Variants in DLGAP4 observed in about 807,000 individuals in gnomAD.
The protein encoded by DLGAP4 is DLG associated protein 4, also known as disks large-associated protein 4.
A neutral mutation model predicts 86.9 loss-of-function variants in DLGAP4; 18 were observed. The ratio of observed to expected loss-of-function variants is 0.21; its 90% CI spans 0.14 to 0.31. The LOEUF (loss-of-function observed/expected upper bound fraction) is 0.31, where lower values mean the gene tolerates loss of function less well. DLGAP4 is among the 10% of genes least tolerant of loss of function. DLGAP4 has a pLI of 1.00. For synonymous variants in DLGAP4, 548 were observed against 574.3 expected (o/e 0.95, Z 0.65); for missense variants, 1,085 against 1,362.6 (o/e 0.80, Z 3.21).
chr20:36,437,437 T>C (rs977890902), intron 4 of DLGAP4, among the ~76,000 whole-genome samples: 4 of 152,040 alleles, frequency 2.6e-5, no homozygotes, highest in African/African-American at 9.7e-5. Context: ...CCTGAGTGAG[T>C]GCATCACCTG....
chr20:36,423,623 T>C (rs1391415027), intron 2 of DLGAP4, among the ~76,000 whole-genome samples: 1 of 151,782 alleles, frequency 6.6e-6, no homozygotes, highest in African/African-American at 2.4e-5. Flanking sequence ...CTGATACTGA[T>C]TGGGCATCGA....
intron 1 of DLGAP4, among the ~76,000 whole-genome samples, chr20:36,360,044 C>T (rs1330625892): frequency 1.3e-5 from 2 of 152,190 alleles, no homozygotes; most frequent in Non-Finnish European, 2.9e-5. Context: ...GATCATAATA[C>T]GAATACAAGG....
chr20:36,413,769 T>C (rs752789618), intron 2 of DLGAP4, among the ~76,000 whole-genome samples: 5 of 152,164 alleles, frequency 3.3e-5, no homozygotes, highest in Non-Finnish European at 7.3e-5. Context: ...GGCCTTTGCC[T>C]CTGGCTTCTT....
intron 2 of DLGAP4, among the ~76,000 whole-genome samples, chr20:36,397,910 T>C (rs1229821326): frequency 6.6e-6 from 1 of 152,082 alleles, no homozygotes; most frequent in East Asian, 1.9e-4. Context: ...TCACCTGAGG[T>C]CAGGAGTTCG....
At chr20:36,456,393 A>G (rs1228811859) in intron 7 of DLGAP4, among the ~76,000 whole-genome samples, 1 of 152,224 alleles carries the variant, frequency 6.6e-6, no homozygotes, top group Non-Finnish European at 1.5e-5. Flanking sequence ...TTGCAGGGGA[A>G]GTCCTCTAGC....
intron 2 of DLGAP4, among the ~76,000 whole-genome samples, chr20:36,373,725 A>T (rs2031032401): frequency 6.6e-6 from 1 of 152,160 alleles, no homozygotes; most frequent in African/African-American, 2.4e-5. Flanking sequence ...CAGAAAAAAA[A>T]CAATGCAACT....
At chr20:36,497,257 G>A (rs2147767497) in intron 8 of DLGAP4, 191 bp downstream of exon 8, 1 of 985,432 alleles carries the variant, frequency 1.0e-6, no homozygotes, top group Middle Eastern at 5.2e-4. Context: ...GTCCACACGT[G>A]CTGCTGGTCA....
chr20:36,333,180 C>T (rs1305514518), intron 1 of DLGAP4, among the ~76,000 whole-genome samples: 2 of 152,050 alleles, frequency 1.3e-5, no homozygotes, highest in Non-Finnish European at 2.9e-5. Context: ...GCCATCTGGT[C>T]CCACTTTGAG....
intron 1 of DLGAP4, among the ~76,000 whole-genome samples, chr20:36,337,167 A>G (rs1555892170): frequency 6.6e-6 from 1 of 152,074 alleles, no homozygotes; most frequent in African/African-American, 2.4e-5. Flanking sequence ...CCCAAGGGAC[A>G]AGGCCCAGAT....
At chr20:36,419,270 G>A (rs140300537) in intron 2 of DLGAP4, among the ~76,000 whole-genome samples, 13 of 151,890 alleles carry the variant, frequency 8.6e-5, no homozygotes, top group South Asian at 2.1e-4. Context: ...CTACAGCTGC[G>A]TGCCACCATA....
At position 36,439,864 on chromosome 20, in the gene DLGAP4, G is replaced by A; in HGVS notation, c.1352G>A (p.Ser451Asn). ...AGCCTCAACGACTCCAGCTGCATCA[G>A]CCAGGTGAGGGTGGCAGGGAGGCTG... ...SDSLNDSSCI[S>N]QIFGQASLIP... The change falls in exon 5 of 13, where the codon AGC becomes AAC. Residue 451 changes from serine (S) to asparagine (N), a missense_variant. By Grantham distance (46) the Ser-to-Asn change is conservative (BLOSUM62 1). Around this residue, in one of 2 missense-constraint regions of DLGAP4, gnomAD observed 1,082 missense variants for 1,344.1 expected, o/e 0.81. Coordinates refer to ENST00000339266, the MANE Select transcript of DLGAP4 (RefSeq NM_001365621.2). The A allele has an allele frequency of 1.9e-6, 3 of 1,612,832 alleles. No homozygotes were observed. The highest frequency in any genetic ancestry group is 2.5e-6 in the Non-Finnish European group (3 of 1,179,766).
chr20:36,477,393 G>T (rs1316998191), intron 7 of DLGAP4, among the ~76,000 whole-genome samples: 1 of 152,164 alleles, frequency 6.6e-6, no homozygotes, highest in Non-Finnish European at 1.5e-5. Flanking sequence ...CCATGCCCAG[G>T]CAATTCTCCA....
In DLGAP4 at chr20:36,386,300, T is replaced by C. The variant is rs142135986; in HGVS notation, c.-73+19025T>C. Among the ~76,000 whole-genome samples the C allele has an allele frequency of 3.3e-5, 5 of 151,680 alleles. No homozygotes were observed. In the East Asian group the frequency reaches 7.8e-4, roughly 24 times the overall value. On this transcript the variant is annotated intron_variant, in intron 2 of 12. Transcript: ENST00000339266. ...GTTCCTTGCATAGCAAGGATAGAAG[T>C]TGGGGCCTTGACCTCATGTTCAGCA... is the stretch of plus-strand genomic sequence containing the variant.
intron 10 of DLGAP4, among the ~76,000 whole-genome samples, chr20:36,502,132 A>T (rs1012567935): frequency 1.6e-4 from 25 of 152,206 alleles, no homozygotes; most frequent in African/African-American, 5.6e-4. Flanking sequence ...TAGCTCTCAC[A>T]CAACCTCTGT....
chr20:36,506,167 T>C (rs918349084), intron 10 of DLGAP4, among the ~76,000 whole-genome samples: 2 of 152,182 alleles, frequency 1.3e-5, no homozygotes, highest in Non-Finnish European at 2.9e-5. Flanking sequence ...AGCTGCTGTA[T>C]TGAGCACAGA....
chr20:36,436,956 C>T (rs1357921565), intron 4 of DLGAP4, among the ~76,000 whole-genome samples: 5 of 152,174 alleles, frequency 3.3e-5, no homozygotes, highest in African/African-American at 1.2e-4. Context: ...AAGTACAAGT[C>T]CCGCTCACCC....
chr20:36,357,106 G>A (rs1555893895), intron 1 of DLGAP4, among the ~76,000 whole-genome samples: 4 of 152,108 alleles, frequency 2.6e-5, no homozygotes, highest in Admixed American at 2.6e-4. Context: ...CCAGGGTAAA[G>A]GCCAGACTCC....
At chr20:36,435,509 G>A (rs538599428) in intron 3 of DLGAP4, among the ~76,000 whole-genome samples, 1 of 152,230 alleles carries the variant, frequency 6.6e-6, no homozygotes, top group East Asian at 1.9e-4. Flanking sequence ...CTGAAGTTCA[G>A]ATGGGAAAAC....
At chr20:36,339,998 A>G (rs1186543650) in intron 1 of DLGAP4, among the ~76,000 whole-genome samples, 5 of 152,064 alleles carry the variant, frequency 3.3e-5, no homozygotes, top group Admixed American at 6.5e-5. Context: ...CAGAGCGGGG[A>G]AGGAGAGGAG....
Sources: allele counts gnomAD v4.1 joint callset (sites outside exome capture counted in the v4.1 genomes callset), GRCh38; gene constraint gnomAD v4.1.1; regional missense constraint gnomAD v4.1.1; transcripts MANE v1.5; gene names NCBI Gene and HGNC (gene_info 2026-07-23, HGNC 2026-07-21).